The following NAV1 variants were observed in gnomAD, a reference collection of about 807,000 sequenced individuals.
The protein encoded by NAV1 is neuron navigator 1, also known as pore membrane and/or filament interacting like protein 3.
A neutral mutation model predicts 175.2 loss-of-function variants in NAV1; 18 were observed. The observed-to-expected ratio is 0.10, with a 90% CI of 0.07 to 0.15. NAV1 has a LOEUF of 0.15. NAV1 is among the 10% of genes least tolerant of loss of function. The probability of loss-of-function intolerance (pLI) is 1.00; values close to 1 mark genes in which losing one functional copy is unlikely to be tolerated. For missense variants in NAV1, 1,731 were observed against 2,436.6 expected (o/e 0.71, Z 6.10); for synonymous variants, 897 against 978.7 (o/e 0.92, Z 1.56).
intron 1 of NAV1, among the ~76,000 whole-genome samples, chr1:201,573,299 T>G (rs956368823): frequency 1.3e-5 from 2 of 150,802 alleles, no homozygotes; most frequent in African/African-American, 5.0e-5. Flanking sequence ...AGATAATGTT[T>G]CATCTCCTGA....
At position 201,808,167 on chromosome 1, in the gene NAV1, C is replaced by T; in HGVS notation, c.3845+18C>T. On this transcript the variant is annotated intron_variant, in intron 18 of 29. Coordinates refer to ENST00000367296, the Ensembl canonical transcript of NAV1. The surrounding 1 kb of genome is among the most constrained non-coding windows in gnomAD (Gnocchi z 5.5). ...GTCACCGAGTAAGTGCTCTTTGGCT[C>T]CCTGCCACCCAGCCTGTTACCAGTG... 2.5e-6 allele frequency: 4 copies of T among 1,613,114 alleles called. No individual in the cohort carries two copies. Among genetic ancestry groups the T allele is most frequent in the African/African-American group, 1.3e-5 (1 of 75,044 alleles).
intron 2 of NAV1, among the ~76,000 whole-genome samples, chr1:201,630,713 T>C (rs1026729995): frequency 6.6e-6 from 1 of 152,156 alleles, no homozygotes; most frequent in African/African-American, 2.4e-5. Flanking sequence ...TAAATATACA[T>C]GCAAGAGAAC....
At chr1:201,729,792 G>C (rs1434283636) in intron 3 of NAV1, among the ~76,000 whole-genome samples, 2 of 152,148 alleles carry the variant, frequency 1.3e-5, no homozygotes, top group African/African-American at 2.4e-5. Flanking sequence ...TGTAGTCCCA[G>C]GTACTCGGGA....
rs757162608 is a variant in NAV1, at chr1:201,811,990, C to G, written c.5024+16C>G. Reference sequence around the variant, plus strand: ...TGAGCTTCAGGTAAGACCTCTAGCTCTGGATGAACCTTCTGACCCTACCCA... The same window carrying G: ...TGAGCTTCAGGTAAGACCTCTAGCTGTGGATGAACCTTCTGACCCTACCCA... On this transcript the variant is annotated intron_variant, in intron 26 of 29. Coordinates refer to ENST00000367296, the Ensembl canonical transcript of NAV1. The G allele has an allele frequency of 1.9e-6, 3 of 1,612,006 alleles. No individual in the cohort carries two copies. The African/African-American group carries it at 4.0e-5, about 22-fold the overall frequency.
At chr1:201,682,154 C>T (rs1376505512) in intron 1 of NAV1, among the ~76,000 whole-genome samples, 1 of 148,012 alleles carries the variant, frequency 6.8e-6, no homozygotes, top group Non-Finnish European at 1.5e-5. Context: ...GGTATGGTGG[C>T]ACATGCCTGT....
Position 201,787,573 on chromosome 1 carries a change from A to G in NAV1, c.2996-895A>G. The G allele has an allele frequency of 4.6e-6, 2 of 439,152 alleles. No homozygotes were observed. The highest frequency in any genetic ancestry group is 3.2e-5 in the South Asian group (2 of 61,952). 27.2% of individuals were successfully genotyped at this position (439,152 alleles called of 1,614,324 possible). ...AGAAGAATTGCATTTATGCTGCAGA[A>G]TGAGGGGCTGGGCTAAGCAATAATT... On this transcript the variant is annotated intron_variant, in intron 9 of 29. Transcript: ENST00000367296. The surrounding 1 kb of genome is among the most constrained non-coding windows in gnomAD (Gnocchi z 4.3).
chr1:201,787,133 A>T lies in NAV1; in HGVS notation c.2995+556A>T, dbSNP rs955433434. ...CCCCCTTCCTAAAGCCTAGGGAGAA[A>T]GGAGAGCTAGGAAATAAGGAAGTGA... On this transcript the variant is annotated intron_variant, in intron 9 of 29. Coordinates refer to ENST00000367296, the Ensembl canonical transcript of NAV1. The surrounding 1 kb of genome is among the most constrained non-coding windows in gnomAD (Gnocchi z 4.3). Among the ~76,000 whole-genome samples the T allele has an allele frequency of 1.3e-5, 2 of 152,158 alleles. No individual in the cohort carries two copies. Among genetic ancestry groups the T allele is most frequent in the African/African-American group, 4.8e-5 (2 of 41,430 alleles).
At chr1:201,603,212 T>C (rs1558014562) in intron 2 of NAV1, among the ~76,000 whole-genome samples, 1 of 152,192 alleles carries the variant, frequency 6.6e-6, no homozygotes, top group Non-Finnish European at 1.5e-5. Context: ...CTGAACTTCA[T>C]GGGTCCCAAA....
intron 3 of NAV1, among the ~76,000 whole-genome samples, chr1:201,770,751 T>C (rs987194803): frequency 3.9e-5 from 6 of 152,164 alleles, no homozygotes; most frequent in African/African-American, 1.2e-4. Flanking sequence ...TAAGGAGCCC[T>C]AATTATAGAG....
At position 201,803,723 on chromosome 1, in the gene NAV1, A is replaced by T; in HGVS notation, c.3639+9A>T. The T allele has an allele frequency of 6.8e-7, 1 of 1,466,142 alleles. No individual in the cohort carries two copies. Among genetic ancestry groups the T allele is most frequent in the Non-Finnish European group, 9.0e-7 (1 of 1,111,726 alleles). The allele number at this position is 1,466,142 out of a possible 1,614,324, so 90.8% of individuals were successfully genotyped here. A position where few individuals can be genotyped will look rare whatever the true frequency, so the allele number is the denominator to read the frequency against. On this transcript the variant is annotated intron_variant, in intron 16 of 29. Coordinates refer to ENST00000367296, the Ensembl canonical transcript of NAV1. ...AGAAAAAAAAGAGTTGGGTAGGTAAAGGTTTGGGGGGTGGGAAGTAGGTAG... is the reference window on the plus strand; with the variant it reads ...AGAAAAAAAAGAGTTGGGTAGGTAATGGTTTGGGGGGTGGGAAGTAGGTAG...
upstream of NAV1, chr1:201,648,106 T>G: frequency 1.6e-5 from 4 of 242,964 alleles, no homozygotes; most frequent in South Asian, 1.7e-4. Context: ...TCCCTCCCCG[T>G]GCGCACACTC....
intron 1 of NAV1, among the ~76,000 whole-genome samples, chr1:201,667,445 C>G (rs926702199): frequency 6.6e-6 from 1 of 152,188 alleles, no homozygotes; most frequent in Non-Finnish European, 1.5e-5. Context: ...CCCATCCCAT[C>G]TGACAGATGA....
At chr1:201,613,307 C>T (rs572900684) in intron 2 of NAV1, among the ~76,000 whole-genome samples, 9 of 152,226 alleles carry the variant, frequency 5.9e-5, no homozygotes, top group African/African-American at 1.9e-4. Flanking sequence ...GCCTCCCCCC[C>T]GCCACCAACC....
upstream of NAV1, among the ~76,000 whole-genome samples, chr1:201,644,364 CTGATG>C (rs1386551357): frequency 1.3e-5 from 2 of 152,218 alleles, no homozygotes; most frequent in Non-Finnish European, 2.9e-5. Flanking sequence ...GTTTTATCAA[CTGATG>C]CTGGAATGGC....
At chr1:201,722,877 G>T (rs1320568505) in intron 3 of NAV1, among the ~76,000 whole-genome samples, 2 of 152,226 alleles carry the variant, frequency 1.3e-5, no homozygotes, top group African/African-American at 4.8e-5. Flanking sequence ...AGGCTGGGTT[G>T]GGTAGATCAC....
At chr1:201,820,126 G>C (rs958663043) in exon 30 of NAV1, 3 of 562,574 alleles carry the variant, frequency 5.3e-6, no homozygotes, top group Non-Finnish European at 9.3e-6. Context: ...AGGAATGGTG[G>C]GGTGGCGTTT....
chr1:201,693,673 G>A (rs899870680), intron 1 of NAV1, among the ~76,000 whole-genome samples: 1 of 152,136 alleles, frequency 6.6e-6, no homozygotes, highest in African/African-American at 2.4e-5. Flanking sequence ...TTGAGGGCTG[G>A]GGAGAAGTGC....
intron 1 of NAV1, among the ~76,000 whole-genome samples, chr1:201,661,211 C>G (rs919137563): frequency 2.6e-5 from 4 of 152,130 alleles, no homozygotes; most frequent in South Asian, 2.1e-4. Flanking sequence ...GTTCTAGAAC[C>G]CTTGCACTAC....
At chr1:201,715,583 G>A (rs1043574695) in intron 2 of NAV1, among the ~76,000 whole-genome samples, 1 of 152,212 alleles carries the variant, frequency 6.6e-6, no homozygotes, top group African/African-American at 2.4e-5. Flanking sequence ...GCACCTGCCA[G>A]AGTCACGCTG....
Sources: gnomAD v4.1 joint callset for allele counts (sites outside exome capture counted in the v4.1 genomes callset) on GRCh38, gnomAD v4.1.1 for gene constraint, Gnocchi (gnomAD v3.1) non-coding constraint, MANE v1.5 for transcripts, NCBI Gene and HGNC (gene_info 2026-07-23, HGNC 2026-07-21) for gene names.